Variants in ITPR2 observed in about 807,000 individuals in gnomAD.
The protein encoded by ITPR2 is inositol 1,4,5-trisphosphate receptor type 2, also known as inositol 1,4,5-trisphosphate-gated calcium channel ITPR2.
A neutral mutation model predicts 317.1 loss-of-function variants in ITPR2; 207 were observed. The ratio of observed to expected loss-of-function variants is 0.65; its 90% CI spans 0.58 to 0.73. ITPR2 has a LOEUF of 0.73. Among genes scored for constraint, ITPR2 ranks in the 30% least tolerant of loss-of-function variants. ITPR2 has a pLI of 0.00. For missense variants in ITPR2, 2,613 were observed against 3,284.0 expected (o/e 0.80, Z 4.99); for synonymous variants, 1,156 against 1,149.1 (o/e 1.01, Z -0.12).
At chr12:26,563,746 A>G (rs1565606052) in intron 34 of ITPR2, among the ~76,000 whole-genome samples, 1 of 152,186 alleles carries the variant, frequency 6.6e-6, no homozygotes, top group Non-Finnish European at 1.5e-5. Flanking sequence ...GCCTAAAGGA[A>G]AGCCTGAGTA....
chr12:26,830,373 A>G (rs1045433435), intron 1 of ITPR2, among the ~76,000 whole-genome samples: 2 of 152,382 alleles, frequency 1.3e-5, no homozygotes, highest in Non-Finnish European at 2.9e-5. Flanking sequence ...GTTGAATACA[A>G]ATCAGAGATA....
intron 54 of ITPR2, among the ~76,000 whole-genome samples, chr12:26,391,696 C>G (rs1296063339): frequency 6.6e-6 from 1 of 151,148 alleles, no homozygotes; most frequent in Non-Finnish European, 1.5e-5. Flanking sequence ...TCCCGAGTAG[C>G]TGGGGTTACA....
At chr12:26,663,930 C>A (rs1303050184) in intron 14 of ITPR2, 84 bp from the exon 15 acceptor site, 9 of 1,212,144 alleles carry the variant, frequency 7.4e-6, no homozygotes, top group Admixed American at 2.5e-5. Context: ...AACATTGATT[C>A]AAAAAACACT....
chr12:26,385,172 G>A (rs1032293630), intron 55 of ITPR2, among the ~76,000 whole-genome samples: 2 of 152,146 alleles, frequency 1.3e-5, no homozygotes, highest in Admixed American at 6.5e-5. Context: ...CAGCAGATAA[G>A]AGACAGAGCA....
intron 44 of ITPR2, among the ~76,000 whole-genome samples, chr12:26,476,665 T>A (rs1047151519): frequency 4.6e-5 from 7 of 152,198 alleles, no homozygotes; most frequent in African/African-American, 1.7e-4. Context: ...TATAGTTTAG[T>A]ATAGTGTGAT....
intron 39 of ITPR2, among the ~76,000 whole-genome samples, chr12:26,488,959 A>C (rs1942734509): frequency 6.6e-6 from 1 of 152,182 alleles, no homozygotes; most frequent in African/African-American, 2.4e-5. Context: ...AACATTATAT[A>C]ACTAGTAAGG....
intron 51 of ITPR2, 92 bp from the exon 52 acceptor site, chr12:26,411,504 C>T: frequency 2.5e-6 from 2 of 790,078 alleles, no homozygotes; most frequent in Non-Finnish European, 2.0e-6. Flanking sequence ...AAATTAAAGG[C>T]ATTCATACTC....
At chr12:26,791,472 T>G (rs1476320975) in intron 1 of ITPR2, among the ~76,000 whole-genome samples, 4 of 152,054 alleles carry the variant, frequency 2.6e-5, no homozygotes, top group Non-Finnish European at 5.9e-5. Flanking sequence ...TTAATCAAAA[T>G]GAAACTTTTG....
intron 2 of ITPR2, among the ~76,000 whole-genome samples, chr12:26,769,114 A>G (rs1949794513): frequency 6.6e-6 from 1 of 151,956 alleles, no homozygotes; most frequent in Non-Finnish European, 1.5e-5. Context: ...TTCAGGCATA[A>G]GTCTCTCTTT....
intron 30 of ITPR2, 77 bp downstream of exon 30, chr12:26,599,068 T>A: frequency 7.8e-7 from 1 of 1,279,778 alleles, no homozygotes; most frequent in South Asian, 1.2e-5. Flanking sequence ...TGTTGGGGGC[T>A]TTTTCACTGT....
At chr12:26,420,516 G>T (rs897326797) in intron 49 of ITPR2, among the ~76,000 whole-genome samples, 1 of 151,976 alleles carries the variant, frequency 6.6e-6, no homozygotes, top group Non-Finnish European at 1.5e-5. Context: ...GTGAGAAATG[G>T]GTTACTATTA....
At chr12:26,589,081 C>G (rs1945617752) in intron 32 of ITPR2, among the ~76,000 whole-genome samples, 1 of 152,154 alleles carries the variant, frequency 6.6e-6, no homozygotes, top group African/African-American at 2.4e-5. Context: ...TTTAGCTGCA[C>G]TGGAACATAG....
At chr12:26,737,480 C>A (rs1344139017) in intron 2 of ITPR2, among the ~76,000 whole-genome samples, 1 of 152,112 alleles carries the variant, frequency 6.6e-6, no homozygotes, top group African/African-American at 2.4e-5. Context: ...GTCTCAAACT[C>A]CTGACCTCGT....
rs111449975 is a variant in ITPR2 at position 26,691,932 on chromosome 12, C to T, written c.996+3674G>A. Among the ~76,000 whole-genome samples the T allele has an allele frequency of 8.5e-3, 1,288 of 152,198 alleles. 11 individuals carry two copies. The highest frequency in any genetic ancestry group is 0.02 in the Middle Eastern group (6 of 294). On this transcript the variant is annotated intron_variant, in intron 10 of 56. Transcript: ENST00000381340. ...CACACAACACTGCCATTTACAGCTG[C>T]AAATACTTCTCTTGCCGAGGTTCCT...
At chr12:26,389,443 G>A (rs1195716406) in intron 54 of ITPR2, among the ~76,000 whole-genome samples, 1 of 150,368 alleles carries the variant, frequency 6.7e-6, no homozygotes, top group Non-Finnish European at 1.5e-5. Flanking sequence ...ACCTCTCACT[G>A]TTCTCTCCCT....
In ITPR2 at chr12:26,339,203, T is replaced by C; in HGVS notation, c.*194A>G. Reference sequence around the variant, plus strand: ...GATGTACGCTTTCTAGCAGATGCATTTGAGGTTAGGTCTTCGCAACCATGA... The same window carrying C: ...GATGTACGCTTTCTAGCAGATGCATCTGAGGTTAGGTCTTCGCAACCATGA... On this transcript the variant is annotated 3_prime_UTR_variant, in exon 57 of 57. Transcript: ENST00000381340. 1 of 565,110 alleles carries C rather than the reference T, an allele frequency of 1.8e-6. No individual in the cohort carries two copies. The highest frequency in any genetic ancestry group is 3.2e-6 in the Non-Finnish European group (1 of 312,752). 35.0% of individuals were successfully genotyped at this position (565,110 alleles called of 1,614,324 possible). A position where few individuals can be genotyped will look rare whatever the true frequency, so the allele number is the denominator to read the frequency against.
At chr12:26,462,729 T>C (rs1942068539) in intron 45 of ITPR2, among the ~76,000 whole-genome samples, 1 of 149,982 alleles carries the variant, frequency 6.7e-6, no homozygotes, top group African/African-American at 2.4e-5. Flanking sequence ...TGGAGTGCAA[T>C]GGCGCCATCC....
intron 22 of ITPR2, among the ~76,000 whole-genome samples, 154 bp downstream of exon 22, chr12:26,631,712 A>AT (rs776406484): frequency 7.2e-5 from 11 of 152,212 alleles, no homozygotes; most frequent in Non-Finnish European, 1.2e-4. Context: ...TCTGTGTGAT[A>AT]TTTTTTACCA....
chr12:26,820,286 T>G (rs1375314013), intron 1 of ITPR2, among the ~76,000 whole-genome samples: 1 of 152,160 alleles, frequency 6.6e-6, no homozygotes, highest in African/African-American at 2.4e-5. Context: ...GACATTATAT[T>G]GACTTTTTTC....
Sources: allele counts gnomAD v4.1 joint callset (sites outside exome capture counted in the v4.1 genomes callset), GRCh38; gene constraint gnomAD v4.1.1; transcripts MANE v1.5; gene names NCBI Gene and HGNC (gene_info 2026-07-23, HGNC 2026-07-21).